The following FAM107B variants were observed in gnomAD, a reference collection of about 807,000 sequenced individuals.
FAM107B encodes the protein protein FAM107B.
In FAM107B, 21 loss-of-function variants were observed where a neutral mutation model predicts 31.5. The observed-to-expected ratio is 0.67, with a 90% CI of 0.47 to 0.96. FAM107B has a LOEUF of 0.96. Ranked by LOEUF, FAM107B falls within the 40% of genes least tolerant of loss-of-function variation. The pLI is 0.00. For synonymous variants in FAM107B, 157 were observed against 141.5 expected (o/e 1.11, Z -0.78); for missense variants, 452 against 377.1 (o/e 1.20, Z -1.64).
At chr10:14,737,688 T>G (rs1216174921) in intron 1 of FAM107B, among the ~76,000 whole-genome samples, 1 of 151,822 alleles carries the variant, frequency 6.6e-6, no homozygotes, top group Non-Finnish European at 1.5e-5. Flanking sequence ...AAGAAAAACT[T>G]ACCTTCCCCA....
chr10:14,559,720 A>C (rs1850068704), intron 2 of FAM107B, among the ~76,000 whole-genome samples: 2 of 147,140 alleles, frequency 1.4e-5, no homozygotes, highest in African/African-American at 2.5e-5. Context: ...TACAGGCGCC[A>C]GCCACCGCGC....
intron 1 of FAM107B, among the ~76,000 whole-genome samples, chr10:14,713,888 T>A (rs557057732): frequency 6.6e-6 from 1 of 152,262 alleles, no homozygotes; most frequent in South Asian, 2.1e-4. Context: ...GCAACATGGA[T>A]GGAGTTGGAG....
chr10:14,556,812 T>C (rs904624351), intron 2 of FAM107B, among the ~76,000 whole-genome samples: 1 of 152,258 alleles, frequency 6.6e-6, no homozygotes, highest in African/African-American at 2.4e-5. Context: ...CCCCATGGGA[T>C]TGTCAGGGCC....
intron 2 of FAM107B, among the ~76,000 whole-genome samples, chr10:14,575,249 G>A (rs1413768568): frequency 6.6e-6 from 1 of 151,916 alleles, no homozygotes; most frequent in Non-Finnish European, 1.5e-5. Flanking sequence ...TATCGCCCAG[G>A]CTGGAGTGTA....
intron 1 of FAM107B, among the ~76,000 whole-genome samples, chr10:14,689,918 C>T (rs3107793): frequency 0.11 from 16,354 of 151,430 alleles, 2,884 homozygotes; most frequent in African/African-American, 0.37. Context: ...GAGCTGAGCT[C>T]GCACCACAGC....
chr10:14,613,486 C>T (rs1564600408), intron 2 of FAM107B, among the ~76,000 whole-genome samples: 1 of 152,192 alleles, frequency 6.6e-6, no homozygotes, highest in Non-Finnish European at 1.5e-5. Context: ...TTACCCCATG[C>T]CTCCTTACTA....
At chr10:14,572,084 AAG>A in intron 2 of FAM107B, 1 of 985,438 alleles carries the variant, frequency 1.0e-6, no homozygotes, top group Non-Finnish European at 1.2e-6. Context: ...TGGATATCAA[AAG>A]AGCCACAGTT....
intron 1 of FAM107B, among the ~76,000 whole-genome samples, chr10:14,710,124 G>T (rs1252374299): frequency 6.6e-6 from 1 of 152,062 alleles, no homozygotes; most frequent in Non-Finnish European, 1.5e-5. Context: ...TACTTCAAAT[G>T]TATCACACTA....
At chr10:14,706,927 C>A (rs1176462009) in intron 1 of FAM107B, among the ~76,000 whole-genome samples, 1 of 152,102 alleles carries the variant, frequency 6.6e-6, no homozygotes, top group African/African-American at 2.4e-5. Context: ...GAGATCGAGA[C>A]CACCCTGGCT....
chr10:14,642,671 T>C (rs998331899), intron 2 of FAM107B, among the ~76,000 whole-genome samples: 1 of 152,236 alleles, frequency 6.6e-6, no homozygotes, highest in Admixed American at 6.5e-5. Flanking sequence ...TTCTTGTTTC[T>C]TTTGGCTTAA....
rs745846882 is a variant in FAM107B at position 14,530,345 on chromosome 10, T to A, written c.640A>T (p.Met214Leu). The change falls in exon 3 of 5, where the codon ATG becomes TTG. Residue 214 changes from methionine to leucine, a missense_variant. Met to Leu is a conservative substitution (Grantham distance 15, BLOSUM62 2). Transcript: ENST00000181796. ...NHQDLHRELL[M>L]NQKRGLAPQN... ...AAACCATTTTACCTTTTTTGATTCATAAGAAGTTCTCTGTGAAGATCTTGA... is the reference window on the plus strand; with the variant it reads ...AAACCATTTTACCTTTTTTGATTCAAAAGAAGTTCTCTGTGAAGATCTTGA... The A allele has an allele frequency of 9.3e-6, 15 of 1,608,926 alleles. No homozygotes were observed. The highest frequency in any genetic ancestry group is 1.3e-5 in the Non-Finnish European group (15 of 1,178,742).
intron 2 of FAM107B, among the ~76,000 whole-genome samples, chr10:14,594,517 A>C (rs1306540490): frequency 3.0e-5 from 4 of 134,918 alleles, no homozygotes; most frequent in African/African-American, 1.2e-4. Context: ...AAAAAAAAAA[A>C]CAAAAAAAAA....
At chr10:14,584,449 T>C (rs1475960756) in intron 2 of FAM107B, among the ~76,000 whole-genome samples, 1 of 152,190 alleles carries the variant, frequency 6.6e-6, no homozygotes, top group Non-Finnish European at 1.5e-5. Flanking sequence ...TTCGCTCCAT[T>C]TTCACCATAA....
intron 2 of FAM107B, among the ~76,000 whole-genome samples, chr10:14,565,433 G>T (rs1461565329): frequency 3.9e-5 from 6 of 152,152 alleles, no homozygotes; most frequent in Non-Finnish European, 7.3e-5. Context: ...TCAAGCCTGG[G>T]GTTAGCACAC....
At chr10:14,732,099 G>A (rs888259335) in intron 1 of FAM107B, among the ~76,000 whole-genome samples, 1 of 152,190 alleles carries the variant, frequency 6.6e-6, no homozygotes, top group Non-Finnish European at 1.5e-5. Context: ...ACTCTCAGAA[G>A]TGCCTCAGTT....
intron 2 of FAM107B, among the ~76,000 whole-genome samples, chr10:14,655,444 G>T (rs1291002167): frequency 6.6e-6 from 1 of 152,248 alleles, no homozygotes; most frequent in Non-Finnish European, 1.5e-5. Flanking sequence ...TTTTGTGACG[G>T]AGTCTTGCTC....
chr10:14,685,149 T>A (rs12773953), intron 1 of FAM107B, among the ~76,000 whole-genome samples: 32,562 of 142,378 alleles, frequency 0.23, 4,211 homozygotes, highest in Non-Finnish European at 0.29. Context: ...TTTATTTTTT[T>A]TTTTTTTTTT....
intron 1 of FAM107B, among the ~76,000 whole-genome samples, chr10:14,727,237 C>T (rs1856056446): frequency 3.3e-5 from 5 of 152,156 alleles, no homozygotes; most frequent in Admixed American, 2.0e-4. Flanking sequence ...CAGTTCCTAA[C>T]AGGCCACAGA....
intron 1 of FAM107B, among the ~76,000 whole-genome samples, chr10:14,717,528 G>T (rs1356566956): frequency 6.6e-6 from 1 of 152,204 alleles, no homozygotes; most frequent in Non-Finnish European, 1.5e-5. Context: ...AAAGGCTGAA[G>T]AACCTGGAGT....
Sources: allele counts gnomAD v4.1 joint callset (sites outside exome capture counted in the v4.1 genomes callset), GRCh38; gene constraint gnomAD v4.1.1; transcripts MANE v1.5; gene names NCBI Gene and HGNC (gene_info 2026-07-23, HGNC 2026-07-21).